PDE11A: variants seen among roughly 807,000 people sequenced by gnomAD.
PDE11A encodes dual 3',5'-cyclic-AMP and -GMP phosphodiesterase 11A.
PDE11A carries 100 observed loss-of-function variants against 100.5 expected under a neutral mutation model. The observed-to-expected ratio is 1.00, with a 90% CI of 0.85 to 1.18. The LOEUF (loss-of-function observed/expected upper bound fraction) is 1.18, where lower values mean the gene tolerates loss of function less well. Ranked by LOEUF, PDE11A falls within the 50% of genes most tolerant of loss-of-function variation. PDE11A has a pLI of 0.00. For synonymous variants in PDE11A, 381 were observed against 420.8 expected (o/e 0.91, Z 1.16); for missense variants, 1,141 against 1,152.6 (o/e 0.99, Z 0.15).
At chr2:177,796,491 A>T (rs1306602036) in intron 9 of PDE11A, among the ~76,000 whole-genome samples, 1 of 152,078 alleles carries the variant, frequency 6.6e-6, no homozygotes, top group Non-Finnish European at 1.5e-5. Flanking sequence ...AATGTGCATA[A>T]TGTAGGGCTC....
upstream of PDE11A, among the ~76,000 whole-genome samples, chr2:178,076,158 A>G (rs1020982077): frequency 6.6e-6 from 1 of 152,196 alleles, no homozygotes; most frequent in Non-Finnish European, 1.5e-5. Flanking sequence ...GATCACTCAG[A>G]GCAAGGAAGA....
At chr2:177,702,850 T>C (rs1195602009) in intron 13 of PDE11A, 1 of 152,214 alleles carries the variant, frequency 6.6e-6, no homozygotes, top group Admixed American at 6.5e-5. Context: ...TAATCATATA[T>C]GTGTTATTTC....
At chr2:178,069,454 C>A (rs1450810359) in intron 1 of PDE11A, among the ~76,000 whole-genome samples, 1 of 152,052 alleles carries the variant, frequency 6.6e-6, no homozygotes, top group African/African-American at 2.4e-5. Flanking sequence ...AACTTTCTAA[C>A]CAAATGAAAA....
chr2:177,967,390 G>T (rs2085713077), intron 2 of PDE11A, among the ~76,000 whole-genome samples: 1 of 151,632 alleles, frequency 6.6e-6, no homozygotes, highest in African/African-American at 2.4e-5. Flanking sequence ...TAGAGACAAG[G>T]TTTTGCCATG....
intron 2 of PDE11A, among the ~76,000 whole-genome samples, chr2:178,077,927 G>GA (rs764034303): frequency 0.015 from 2,169 of 140,190 alleles, 29 homozygotes; most frequent in East Asian, 0.075. Context: ...ATGCTCTTAG[G>GA]AAAAAAAAAA....
chr2:178,079,046 A>G (rs1174668362), intron 2 of PDE11A, among the ~76,000 whole-genome samples: 7 of 152,254 alleles, frequency 4.6e-5, no homozygotes, highest in Admixed American at 2.6e-4. Context: ...CTTTATATTC[A>G]ATAGCAATCC....
At chr2:177,947,912 C>T (rs1205614114) in intron 2 of PDE11A, among the ~76,000 whole-genome samples, 1 of 152,020 alleles carries the variant, frequency 6.6e-6, no homozygotes, top group Non-Finnish European at 1.5e-5. Flanking sequence ...AAGCCACCCA[C>T]CCTTCAGCGA....
chr2:178,023,638 T>A (rs1350316958), intron 1 of PDE11A, among the ~76,000 whole-genome samples: 1 of 152,222 alleles, frequency 6.6e-6, no homozygotes. Context: ...AGGTCCTTCA[T>A]AGCCAAAATG....
At chr2:178,012,563 G>C (rs2086285202) in intron 2 of PDE11A, among the ~76,000 whole-genome samples, 1 of 152,150 alleles carries the variant, frequency 6.6e-6, no homozygotes, top group South Asian at 2.1e-4. Context: ...CTGGGACTCA[G>C]TCCCAGGCTC....
chr2:177,946,019 C>T (rs1401665100), intron 2 of PDE11A, among the ~76,000 whole-genome samples: 73 of 147,624 alleles, frequency 4.9e-4, no homozygotes, highest in African/African-American at 1.5e-3. Context: ...TCAGCCCCCC[C>T]ACCCGGCCAG....
At chr2:177,910,082 C>T (rs1342284922) in intron 2 of PDE11A, among the ~76,000 whole-genome samples, 1 of 152,072 alleles carries the variant, frequency 6.6e-6, no homozygotes, top group African/African-American at 2.4e-5. Context: ...ATATATTGGC[C>T]AAACATTACT....
chr2:177,806,375 T>C (rs1236368402), intron 9 of PDE11A, among the ~76,000 whole-genome samples: 1 of 152,154 alleles, frequency 6.6e-6, no homozygotes, highest in Non-Finnish European at 1.5e-5. Flanking sequence ...TCATAATCTC[T>C]TTTTAAAGCA....
At chr2:177,920,616 T>C (rs1232908231) in intron 2 of PDE11A, among the ~76,000 whole-genome samples, 1 of 152,124 alleles carries the variant, frequency 6.6e-6, no homozygotes, top group Admixed American at 6.5e-5. Flanking sequence ...TTTTGCAAAA[T>C]ATATAAAATG....
rs371183574 is a variant in PDE11A, at chr2:177,660,242, C to T, written c.2646+3624G>A. On this transcript the variant is annotated intron_variant, in intron 19 of 19. Coordinates refer to ENST00000286063, the MANE Select transcript of PDE11A (RefSeq NM_016953.4). ...AGAGCAAGTTCCAGAGAACTCTATG[C>T]TCACATATAAACATATGGATATAAG... is the stretch of plus-strand genomic sequence containing the variant. Among the ~76,000 whole-genome samples the T allele has an allele frequency of 5.9e-5, 9 of 152,016 alleles. No individual in the cohort carries two copies. The East Asian group carries it at 1.5e-3, about 26-fold the overall frequency.
chr2:177,793,385 T>A (rs1212606185), intron 9 of PDE11A, among the ~76,000 whole-genome samples: 1 of 152,166 alleles, frequency 6.6e-6, no homozygotes, highest in Non-Finnish European at 1.5e-5. Flanking sequence ...TGAACTTACA[T>A]AAATGGATTC....
At chr2:177,928,262 G>A (rs2085158363) in intron 2 of PDE11A, among the ~76,000 whole-genome samples, 1 of 152,172 alleles carries the variant, frequency 6.6e-6, no homozygotes, top group Non-Finnish European at 1.5e-5. Context: ...TTGGTAGGCT[G>A]AAGTAGGAGG....
Position 178,024,751 on chromosome 2 carries a change from C to CA in PDE11A, c.913-10292dup, listed in dbSNP as rs145799066. 4.3e-3 allele frequency among the ~76,000 whole-genome samples: 658 copies of CA among 152,248 alleles called. 8 individuals carry two copies. Among genetic ancestry groups the CA allele is most frequent in the African/African-American group, 0.015 (634 of 41,560 alleles). The stretch of plus-strand genomic sequence containing the variant: ...ATAGATTGCCAAACTTTCTGAAGCT[C>CA]AAAAAATTGCTTTTATTGCTATATC... On this transcript the variant is annotated intron_variant, in intron 1 of 19. Transcript: ENST00000286063.
chr2:177,726,351 C>T (rs2081599120), intron 12 of PDE11A, among the ~76,000 whole-genome samples: 1 of 151,942 alleles, frequency 6.6e-6, no homozygotes, highest in African/African-American at 2.4e-5. Context: ...TTTTGAAAAC[C>T]CACCAAGTAC....
intron 1 of PDE11A, among the ~76,000 whole-genome samples, chr2:178,029,724 A>G (rs1469400724): frequency 6.6e-6 from 1 of 152,248 alleles, no homozygotes; most frequent in African/African-American, 2.4e-5. Flanking sequence ...TATATTGAAG[A>G]CAATTGGTTT....
Sources: gnomAD v4.1 joint callset for allele counts (sites outside exome capture counted in the v4.1 genomes callset) on GRCh38, gnomAD v4.1.1 for gene constraint, MANE v1.5 for transcripts, NCBI Gene and HGNC (gene_info 2026-07-23, HGNC 2026-07-21) for gene names.